Variants in SUPT3H observed in about 807,000 individuals in gnomAD.
SUPT3H encodes SPT3 homolog, SAGA and STAGA complex component, also known as transcription initiation protein SPT3 homolog.
A neutral mutation model predicts 44.3 loss-of-function variants in SUPT3H; 44 were observed. That is an observed-to-expected ratio of 0.99 (90% CI 0.78 to 1.28). SUPT3H has a LOEUF of 1.28. Ranked by LOEUF, SUPT3H falls within the 50% of genes most tolerant of loss-of-function variation. SUPT3H has a pLI of 0.00. For missense variants in SUPT3H, 380 were observed against 387.1 expected (o/e 0.98, Z 0.15); for synonymous variants, 124 against 125.6 (o/e 0.99, Z 0.09).
chr6:45,274,085 T>C (rs1776641410), intron 2 of SUPT3H, among the ~76,000 whole-genome samples: 1 of 152,236 alleles, frequency 6.6e-6, no homozygotes, highest in Non-Finnish European at 1.5e-5. Context: ...TATTTGGCCA[T>C]TTGTAAATCT....
At position 44,884,788 on chromosome 6, in the gene SUPT3H, T is replaced by C. The variant is rs1003856816; in HGVS notation, c.912+47865A>G. 3.3e-5 allele frequency among the ~76,000 whole-genome samples: 5 copies of C among 152,268 alleles called. No individual in the cohort carries two copies. The South Asian group carries it at 1.0e-3, about 32-fold the overall frequency. On this transcript the variant is annotated intron_variant, in intron 10 of 10. Transcript: ENST00000371459. ...GCAGGTCAGTGGGTGCAGCACACTG[T>C]GGGCGAGCCGAAGCAGGGCGAGGCA...
rs11393241 is a variant in SUPT3H, at chr6:45,070,739, CAAAAAAAAA to C, written c.186+35174_186+35182del. On this transcript the variant is annotated intron_variant, in intron 3 of 10. Transcript: ENST00000371459. Reference sequence around the variant, plus strand: ...AATAAGAGCAAAACTCTGTCTCAAACAAAAAAAAAAAAAAAAAAAAGAAATGCTTTAATC... The same window carrying C: ...AATAAGAGCAAAACTCTGTCTCAAACAAAAAAAAAAAGAAATGCTTTAATC... 1.9e-4 allele frequency among the ~76,000 whole-genome samples: 20 copies of C among 102,848 alleles called. No homozygotes were observed. The Admixed American group carries it at 2.3e-3, about 12-fold the overall frequency. The allele number at this position is 102,848 out of a possible 152,430, so 67.5% of individuals were successfully genotyped here.
chr6:45,195,145 G>C (rs1815804016), intron 2 of SUPT3H, among the ~76,000 whole-genome samples: 1 of 152,112 alleles, frequency 6.6e-6, no homozygotes, highest in Admixed American at 6.6e-5. Context: ...GAAGGGACGT[G>C]AAATGAGGCT....
intron 2 of SUPT3H, among the ~76,000 whole-genome samples, chr6:45,277,259 T>C (rs1777174010): frequency 6.6e-6 from 1 of 152,224 alleles, no homozygotes; most frequent in Non-Finnish European, 1.5e-5. Context: ...TATATATAGC[T>C]ATTTTTATGT....
chr6:44,963,979 C>G (rs546888891), intron 6 of SUPT3H, among the ~76,000 whole-genome samples: 9 of 149,334 alleles, frequency 6.0e-5, no homozygotes, highest in Admixed American at 2.0e-4. Flanking sequence ...CCCTGGGAAA[C>G]AGAGGGAGAC....
At chr6:45,082,238 T>TGA (rs932747184) in intron 3 of SUPT3H, among the ~76,000 whole-genome samples, 7 of 151,956 alleles carry the variant, frequency 4.6e-5, no homozygotes, top group Non-Finnish European at 8.8e-5. Context: ...TCAATTCTAC[T>TGA]GAAACTATTC....
intron 2 of SUPT3H, among the ~76,000 whole-genome samples, chr6:45,145,131 T>C (rs1014152773): frequency 1.2e-4 from 18 of 151,994 alleles, no homozygotes; most frequent in African/African-American, 4.1e-4. Context: ...CTCATCAAAA[T>C]ACCAACATCA....
intron 2 of SUPT3H, among the ~76,000 whole-genome samples, chr6:45,216,200 T>C (rs1266632109): frequency 9.6e-6 from 1 of 103,764 alleles, no homozygotes. Flanking sequence ...GGATGGTAAC[T>C]ACCATCTGGA....
intron 3 of SUPT3H, among the ~76,000 whole-genome samples, chr6:45,051,255 G>C (rs1790259216): frequency 6.6e-6 from 1 of 152,146 alleles, no homozygotes; most frequent in Admixed American, 6.5e-5. Context: ...ACAATATGGG[G>C]AGGGAAGACA....
Position 44,916,531 on chromosome 6 carries a change from T to G in SUPT3H, c.912+16122A>C, listed in dbSNP as rs548376943. 4.6e-5 allele frequency among the ~76,000 whole-genome samples: 7 copies of G among 152,258 alleles called. No individual in the cohort carries two copies. The South Asian group carries it at 1.5e-3, about 32-fold the overall frequency. On this transcript the variant is annotated intron_variant, in intron 10 of 10. Coordinates refer to ENST00000371459, the MANE Select transcript of SUPT3H (RefSeq NM_003599.4). ...CCAGCATTTGTGGATCTCAAGATAT[T>G]CTGAAAGGTTTTGGTAAAGAGAACA...
At chr6:44,917,696 A>AG (rs1461752285) in intron 10 of SUPT3H, among the ~76,000 whole-genome samples, 1 of 152,234 alleles carries the variant, frequency 6.6e-6, no homozygotes, top group Non-Finnish European at 1.5e-5. Flanking sequence ...GTGGGACCAC[A>AG]GCCAAGCAGC....
At chr6:44,914,248 T>C (rs1462412303) in intron 10 of SUPT3H, among the ~76,000 whole-genome samples, 2 of 152,214 alleles carry the variant, frequency 1.3e-5, no homozygotes, top group African/African-American at 4.8e-5. Flanking sequence ...AGTTAAAAGA[T>C]AATCCTCAGA....
rs148878697 is a variant in SUPT3H at position 44,879,916 on chromosome 6, A to C, written c.913-50059T>G. ...AAAAGGACATCCACTCAAAAGCCCCATCTGAAGGTCACCAAAATCAAAGAC... is the reference window on the plus strand; with the variant it reads ...AAAAGGACATCCACTCAAAAGCCCCCTCTGAAGGTCACCAAAATCAAAGAC... On this transcript the variant is annotated intron_variant, in intron 10 of 10. Transcript: ENST00000371459. Among the ~76,000 whole-genome samples, 720 of 152,326 alleles carry C rather than the reference A, an allele frequency of 4.7e-3. 9 individuals are homozygous for C. Among genetic ancestry groups the C allele is most frequent in the African/African-American group, 0.016 (672 of 41,572 alleles).
At chr6:45,321,895 G>A in intron 2 of SUPT3H, 2 of 1,521,454 alleles carry the variant, frequency 1.3e-6, no homozygotes, top group Non-Finnish European at 8.9e-7. Context: ...TATGAAGCTA[G>A]AAAAAAAATT....
At chr6:44,834,493 G>A (rs972050933) in intron 10 of SUPT3H, among the ~76,000 whole-genome samples, 14 of 152,112 alleles carry the variant, frequency 9.2e-5, no homozygotes, top group African/African-American at 3.1e-4. Context: ...TAATACTATA[G>A]TGAAAAAGGA....
intron 2 of SUPT3H, among the ~76,000 whole-genome samples, chr6:45,119,164 A>T (rs1036510713): frequency 3.3e-5 from 5 of 152,178 alleles, no homozygotes; most frequent in African/African-American, 1.2e-4. Flanking sequence ...TTGTGGCAAT[A>T]AATAACAAAT....
At chr6:45,344,867 T>C (rs987915408) in intron 2 of SUPT3H, among the ~76,000 whole-genome samples, 2 of 152,126 alleles carry the variant, frequency 1.3e-5, no homozygotes, top group African/African-American at 4.8e-5. Flanking sequence ...GTAAAACTAA[T>C]GGTACAGAAT....
intron 2 of SUPT3H, among the ~76,000 whole-genome samples, chr6:45,181,856 T>G (rs1246056610): frequency 7.9e-6 from 1 of 126,498 alleles, no homozygotes; most frequent in Admixed American, 9.2e-5. Context: ...CCCTAAAACT[T>G]AAAGTATAAT....
chr6:44,979,904 C>G (rs955534383), intron 6 of SUPT3H, among the ~76,000 whole-genome samples: 1 of 152,072 alleles, frequency 6.6e-6, no homozygotes, highest in African/African-American at 2.4e-5. Context: ...TATAGTAGAC[C>G]AGGTCTACCT....
Sources: gnomAD v4.1 joint callset for allele counts (sites outside exome capture counted in the v4.1 genomes callset) on GRCh38, gnomAD v4.1.1 for gene constraint, MANE v1.5 for transcripts, NCBI Gene and HGNC (gene_info 2026-07-23, HGNC 2026-07-21) for gene names.